Variants in ZMYM4 observed in about 807,000 individuals in gnomAD.
The protein encoded by ZMYM4 is zinc finger MYM-type containing 4, also known as zinc finger MYM-type protein 4.
In ZMYM4, 31 loss-of-function variants were observed where a neutral mutation model predicts 183.2. The ratio of observed to expected loss-of-function variants is 0.17; its 90% CI spans 0.13 to 0.23. The LOEUF (loss-of-function observed/expected upper bound fraction) is 0.23, where lower values mean the gene tolerates loss of function less well. Among genes scored for constraint, ZMYM4 ranks in the 10% least tolerant of loss-of-function variants. The pLI is 1.00. For synonymous variants in ZMYM4, 592 were observed against 631.2 expected, an observed-to-expected ratio of 0.94 and a Z score of 0.93; for missense variants, 1,273 against 1,840.3, an observed-to-expected ratio of 0.69 and a Z score of 5.64.
chr1:35,353,725 G>A (rs1351040952), intron 2 of ZMYM4, among the ~76,000 whole-genome samples: 1 of 152,190 alleles, frequency 6.6e-6, no homozygotes, highest in Non-Finnish European at 1.5e-5. Context: ...ACAAGGATGA[G>A]AAGAATTCTG....
Position 35,388,920 on chromosome 1 carries a change from G to A in ZMYM4, c.2274G>A (p.Leu758=). The part of the protein sequence containing the change: ...DKSFCSEGCK[L]LYKHDLAKRW... ...TTTCCTGATTTTTAGGTTGCAAATT[G>A]CTTTATAAACATGACTTGGCAAAAC... The change falls in exon 14 of 30, where the codon TTG becomes TTA. Residue 758 remains leucine (L), a synonymous_variant. Coordinates refer to ENST00000314607, the MANE Select transcript of ZMYM4 (RefSeq NM_005095.3). 6.2e-7 allele frequency: 1 copy of A among 1,613,450 alleles called. No individual in the cohort carries two copies. Among genetic ancestry groups the A allele is most frequent in the Admixed American group, 1.7e-5 (1 of 59,788 alleles).
At chr1:35,276,445 C>T (rs911497259) in intron 1 of ZMYM4, among the ~76,000 whole-genome samples, 3 of 152,120 alleles carry the variant, frequency 2.0e-5, no homozygotes, top group Middle Eastern at 3.2e-3. Flanking sequence ...AATACTGTTA[C>T]GACCTAACAA....
At chr1:35,364,804 T>C (rs1002730114) in intron 5 of ZMYM4, among the ~76,000 whole-genome samples, 1 of 152,210 alleles carries the variant, frequency 6.6e-6, no homozygotes, top group Non-Finnish European at 1.5e-5. Context: ...CACTTCCTAA[T>C]TCTCTTTTTT....
chr1:35,324,852 C>T (rs894446298), intron 1 of ZMYM4, among the ~76,000 whole-genome samples: 1 of 152,180 alleles, frequency 6.6e-6, no homozygotes, highest in African/African-American at 2.4e-5. Context: ...TCTGAAATTA[C>T]CTCTGACATG....
intron 23 of ZMYM4, chr1:35,400,402 T>G (rs1644886311): frequency 6.6e-6 from 1 of 151,564 alleles, no homozygotes; most frequent in Non-Finnish European, 1.5e-5. Flanking sequence ...AGACAGGGTT[T>G]CACCATGTTA....
intron 1 of ZMYM4, among the ~76,000 whole-genome samples, chr1:35,288,209 C>T (rs1464827720): frequency 6.6e-6 from 1 of 152,196 alleles, no homozygotes; most frequent in Non-Finnish European, 1.5e-5. Flanking sequence ...TGTCTTTTGA[C>T]TTTCCTTGCT....
At chr1:35,305,306 G>GGA (rs1346363616) in intron 1 of ZMYM4, among the ~76,000 whole-genome samples, 3 of 152,112 alleles carry the variant, frequency 2.0e-5, no homozygotes, top group African/African-American at 7.2e-5. Flanking sequence ...AGCCACAGTT[G>GGA]GAGATTTTAC....
chr1:35,351,010 C>T (rs772484807), intron 2 of ZMYM4: 36 of 870,416 alleles, frequency 4.1e-5, no homozygotes, highest in Non-Finnish European at 6.2e-5. Flanking sequence ...TATGCTGCAG[C>T]GCATTGTACT....
intron 1 of ZMYM4, among the ~76,000 whole-genome samples, chr1:35,283,326 CTTTTTTT>C (rs201360397): frequency 1.8e-4 from 10 of 56,766 alleles, no homozygotes; most frequent in African/African-American, 8.6e-4. Flanking sequence ...GAAGTGGTAT[CTTTTTTT>C]TTTTTTTTTT....
chr1:35,305,924 T>G (rs1641513839), intron 1 of ZMYM4, among the ~76,000 whole-genome samples: 1 of 152,216 alleles, frequency 6.6e-6, no homozygotes. Flanking sequence ...TTATGCTTAG[T>G]GTTTGGATTG....
At chr1:35,382,145 CA>C (rs1319746303) in intron 9 of ZMYM4, among the ~76,000 whole-genome samples, 1,756 of 92,686 alleles carry the variant, frequency 0.019, 41 homozygotes, top group African/African-American at 0.063. Context: ...AACTCCGTCT[CA>C]AAAAAAAAAA....
intron 1 of ZMYM4, among the ~76,000 whole-genome samples, chr1:35,308,159 T>A (rs1641631622): frequency 2.0e-5 from 3 of 151,972 alleles, no homozygotes; most frequent in Non-Finnish European, 4.4e-5. Context: ...ACCTGGCTAA[T>A]TTTTGTATTT....
At chr1:35,397,326 G>T in intron 19 of ZMYM4, 51 bp from the exon 20 acceptor site, 3 of 1,438,662 alleles carry the variant, frequency 2.1e-6, no homozygotes, top group South Asian at 1.8e-5. Flanking sequence ...CATACTTTTG[G>T]CTACAAACCT....
chr1:35,410,449 C>T (rs1639836207), intron 26 of ZMYM4, among the ~76,000 whole-genome samples: 1 of 149,860 alleles, frequency 6.7e-6, no homozygotes, highest in African/African-American at 2.4e-5. Context: ...CTTTGAATGA[C>T]AAATATATAT....
intron 2 of ZMYM4, among the ~76,000 whole-genome samples, chr1:35,328,084 G>A (rs1440625460): frequency 1.3e-5 from 2 of 152,182 alleles, no homozygotes; most frequent in Non-Finnish European, 2.9e-5. Context: ...GTTTTAATCT[G>A]ATGGATTGTT....
In ZMYM4 at chr1:35,274,605, G is replaced by GT. The variant is rs149811688; in HGVS notation, c.39+5531dup. 9.3e-3 allele frequency among the ~76,000 whole-genome samples: 1,229 copies of GT among 132,412 alleles called. 26 individuals carry two copies. The highest frequency in any genetic ancestry group is 0.014 in the Non-Finnish European group (851 of 62,758). The allele number at this position is 132,412 out of a possible 152,430, so 86.9% of individuals were successfully genotyped here. ...TGGGTGACAGAGCAAGAGAGACACT[G>GT]TTTTTTTTTTTAAAAAAAAAAAAAA... On this transcript the variant is annotated intron_variant, in intron 1 of 29. Coordinates refer to ENST00000314607, the MANE Select transcript of ZMYM4 (RefSeq NM_005095.3).
At chr1:35,398,686 A>G (rs1016311242) in intron 21 of ZMYM4, among the ~76,000 whole-genome samples, 178 bp from the exon 22 acceptor site, 1 of 152,244 alleles carries the variant, frequency 6.6e-6, no homozygotes, top group Non-Finnish European at 1.5e-5. Context: ...GCCTACCAAA[A>G]ATATGAATCC....
chr1:35,291,479 T>C (rs1240529006), intron 1 of ZMYM4, among the ~76,000 whole-genome samples: 1 of 152,090 alleles, frequency 6.6e-6, no homozygotes, highest in Non-Finnish European at 1.5e-5. Context: ...TTGTGTCATA[T>C]CTAACTTCTG....
At chr1:35,356,528 C>T (rs1409425190) in intron 2 of ZMYM4, among the ~76,000 whole-genome samples, 1 of 152,156 alleles carries the variant, frequency 6.6e-6, no homozygotes, top group East Asian at 1.9e-4. Flanking sequence ...ATTATTGCCT[C>T]TACGTTTATT....
Sources: allele counts gnomAD v4.1 joint callset (sites outside exome capture counted in the v4.1 genomes callset), GRCh38; gene constraint gnomAD v4.1.1; transcripts MANE v1.5; gene names NCBI Gene and HGNC (gene_info 2026-07-23, HGNC 2026-07-21).